Variants in DMD observed in about 807,000 individuals in gnomAD.
DMD encodes mutant dystrophin.
In DMD, 63 loss-of-function variants were observed where a neutral mutation model predicts 330.1. That is an observed-to-expected ratio of 0.19 (90% CI 0.16 to 0.24). DMD has a LOEUF of 0.24. Among genes scored for constraint, DMD ranks in the 10% least tolerant of loss-of-function variants. The pLI is 1.00. For synonymous variants in DMD, 1,223 were observed against 959.8 expected, an observed-to-expected ratio of 1.27 and a Z score of -5.07; for missense variants, 3,344 against 2,684.1, an observed-to-expected ratio of 1.25 and a Z score of -5.43.
chrX:32,570,596 T>C (rs747938801), intron 15 of DMD, among the ~76,000 whole-genome samples: 1 of 111,886 alleles, frequency 8.9e-6, no homozygotes, highest in South Asian at 3.7e-4. Context: ...TCAACTGATA[T>C]GAGGACTACT....
At chrX:32,726,056 T>A (rs953084435) in intron 7 of DMD, among the ~76,000 whole-genome samples, 3 of 111,291 alleles carry the variant, frequency 2.7e-5, no homozygotes, top group Admixed American at 9.6e-5. Context: ...AAATAATGTT[T>A]TGAACATTCT....
At chrX:32,802,167 C>T (rs148680544) in intron 7 of DMD, among the ~76,000 whole-genome samples, 3 of 111,466 alleles carry the variant, frequency 2.7e-5, no homozygotes, top group African/African-American at 3.3e-5. Context: ...CATTTGTTTG[C>T]GTCCTCTCTT....
chrX:33,159,755 T>C, intron 1 of DMD, among the ~76,000 whole-genome samples: 1 of 111,966 alleles, frequency 8.9e-6, no homozygotes, highest in Non-Finnish European at 1.9e-5. Flanking sequence ...TACGTGTACA[T>C]GTGTCTTTAT....
At chrX:31,959,896 C>T (rs1350358437) in intron 45 of DMD, among the ~76,000 whole-genome samples, 2 of 107,561 alleles carry the variant, frequency 1.9e-5, no homozygotes. Context: ...TCCCATGTAG[C>T]TGGGACTACA....
intron 47 of DMD, among the ~76,000 whole-genome samples, chrX:31,912,103 A>G (rs1194550841): frequency 2.7e-5 from 3 of 111,270 alleles, no homozygotes. Context: ...AGCACTTTCC[A>G]AAGCCAAACT....
chrX:33,117,659 A>G (rs757870587), intron 1 of DMD, among the ~76,000 whole-genome samples: 61 of 111,531 alleles, frequency 5.5e-4, no homozygotes, highest in African/African-American at 1.9e-3. Flanking sequence ...AGGATTAATG[A>G]TTCTCAAAGC....
chrX:32,166,072 C>A (rs563045058), intron 44 of DMD, among the ~76,000 whole-genome samples: 1 of 111,102 alleles, frequency 9.0e-6, no homozygotes, highest in Non-Finnish European at 1.9e-5. Context: ...TTCTTTCTAG[C>A]GGTATGAAAA....
chrX:31,398,187 A>G (rs983530258), intron 60 of DMD, among the ~76,000 whole-genome samples: 2 of 112,336 alleles, frequency 1.8e-5, no homozygotes, highest in African/African-American at 6.5e-5. Flanking sequence ...ACTGAGGCAT[A>G]GTACATAACT....
At chrX:31,355,082 A>G in intron 60 of DMD, among the ~76,000 whole-genome samples, 1 of 112,525 alleles carries the variant, frequency 8.9e-6, no homozygotes, top group East Asian at 2.8e-4. Context: ...AAATAAGCCA[A>G]AAGAATAAAA....
At chrX:32,363,034 A>G in intron 36 of DMD, 76 bp from the exon 37 acceptor site, 1 of 970,446 alleles carries the variant, frequency 1.0e-6, no homozygotes, top group Non-Finnish European at 1.4e-6. Flanking sequence ...AGAGCCAAAC[A>G]GAGCGAGTGA....
At chrX:32,388,876 C>T (rs1158204051) in intron 32 of DMD, among the ~76,000 whole-genome samples, 3 of 111,232 alleles carry the variant, frequency 2.7e-5, no homozygotes, top group Non-Finnish European at 5.7e-5. Context: ...ATAACAGCAA[C>T]ATAGGACACC....
At chrX:31,531,537 T>G (rs1359935177) in intron 55 of DMD, among the ~76,000 whole-genome samples, 1 of 83,110 alleles carries the variant, frequency 1.2e-5, no homozygotes, top group Non-Finnish European at 2.2e-5. Flanking sequence ...GTTTTTTTCT[T>G]GTAAATTTGT....
chrX:32,949,970 A>ACATCCAGTGT (rs2091136993), intron 2 of DMD, among the ~76,000 whole-genome samples: 1 of 64,298 alleles, frequency 1.6e-5, no homozygotes, highest in Admixed American at 1.4e-4. Flanking sequence ...AGAGGCAAAA[A>ACATCCAGTGT]AAAAAAAAAA....
intron 7 of DMD, among the ~76,000 whole-genome samples, chrX:32,772,035 C>A (rs2073667294): frequency 8.9e-6 from 1 of 111,972 alleles, no homozygotes; most frequent in South Asian, 3.7e-4. Flanking sequence ...GAAACCGGTA[C>A]AGAAGAAGAT....
chrX:31,121,587 A>G lies in DMD; in HGVS notation c.*332T>C, dbSNP rs2032568731. ...AATGCGTTCCATATAAAGAAATGGC[A>G]AGTTATTTAGCTATCAAGATTTTAC... On this transcript the variant is annotated 3_prime_UTR_variant, in exon 79 of 79. Transcript: ENST00000357033. 3.3e-6 allele frequency: 1 copy of G among 299,367 alleles called. No homozygotes were observed. Among genetic ancestry groups the G allele is most frequent in the Admixed American group, 5.6e-5 (1 of 17,956 alleles). 24.7% of individuals were successfully genotyped at this position (299,367 alleles called of 1,213,427 possible).
At chrX:31,309,852 AC>A (rs1164671893) in intron 62 of DMD, among the ~76,000 whole-genome samples, 1 of 112,145 alleles carries the variant, frequency 8.9e-6, no homozygotes, top group Non-Finnish European at 1.9e-5. Context: ...TCTGTCAATT[AC>A]AAAAATAGAA....
intron 11 of DMD, among the ~76,000 whole-genome samples, chrX:32,615,167 C>A (rs188199304): frequency 7.9e-4 from 88 of 111,472 alleles, no homozygotes; most frequent in African/African-American, 2.8e-3. Flanking sequence ...CTTATATTCT[C>A]GGTCTTCAGA....
chrX:31,155,621 T>A (rs1226700644), intron 74 of DMD, among the ~76,000 whole-genome samples: 6 of 111,923 alleles, frequency 5.4e-5, no homozygotes, highest in East Asian at 2.8e-4. Flanking sequence ...AGTTTTTTTT[T>A]AAATGAAAGA....
At chrX:31,540,281 G>A (rs1180506739) in intron 55 of DMD, among the ~76,000 whole-genome samples, 1 of 111,824 alleles carries the variant, frequency 8.9e-6, no homozygotes, top group Non-Finnish European at 1.9e-5. Flanking sequence ...CTACTCACTA[G>A]ACTCTTTTTC....
Sources: allele counts gnomAD v4.1 joint callset (sites outside exome capture counted in the v4.1 genomes callset), GRCh38; gene constraint gnomAD v4.1.1; transcripts MANE v1.5; gene names NCBI Gene and HGNC (gene_info 2026-07-23, HGNC 2026-07-21).